Variants in MAPRE3 observed in about 807,000 individuals in gnomAD.
MAPRE3 encodes the protein microtubule-associated protein RP/EB family member 3.
Under a neutral mutation model 30.5 loss-of-function variants are expected in MAPRE3, and 2 were observed. The ratio of observed to expected loss-of-function variants is 0.07; its 90% CI spans 0.03 to 0.21. The LOEUF (loss-of-function observed/expected upper bound fraction) is 0.21. Among genes scored for constraint, MAPRE3 ranks in the 10% least tolerant of loss-of-function variants. The pLI is 1.00. For synonymous variants in MAPRE3, 110 were observed against 127.7 expected (o/e 0.86, Z 0.93); for missense variants, 204 against 351.8 (o/e 0.58, Z 3.36).
At chr2:26,971,565 C>G (rs1665916263) in intron 1 of MAPRE3, among the ~76,000 whole-genome samples, 1 of 151,116 alleles carries the variant, frequency 6.6e-6, no homozygotes, top group African/African-American at 2.4e-5. Flanking sequence ...CTCCAAGTTC[C>G]TGCGCTTCCG....
intron 1 of MAPRE3, among the ~76,000 whole-genome samples, chr2:26,980,091 G>GA (rs1239394167): frequency 3.9e-5 from 6 of 152,072 alleles, no homozygotes; most frequent in Non-Finnish European, 7.4e-5. Context: ...CCATAGTTAG[G>GA]AAAAAAGGAA....
At chr2:27,011,558 A>C (rs1326194129) in intron 1 of MAPRE3, among the ~76,000 whole-genome samples, 1 of 152,110 alleles carries the variant, frequency 6.6e-6, no homozygotes, top group Non-Finnish European at 1.5e-5. Context: ...GATTAAGGCA[A>C]TGCTAGGCCG....
intron 1 of MAPRE3, among the ~76,000 whole-genome samples, chr2:27,001,220 A>G (rs999536248): frequency 1.3e-5 from 2 of 152,190 alleles, no homozygotes; most frequent in African/African-American, 4.8e-5. Flanking sequence ...CCAAACCTAG[A>G]TGGTATTGCC....
At chr2:27,012,953 C>G (rs903258738) in intron 1 of MAPRE3, 1 of 152,666 alleles carries the variant, frequency 6.6e-6, no homozygotes, top group Non-Finnish European at 1.5e-5. Context: ...AGGATGCAGA[C>G]ATTTCAGAGA....
intron 3 of MAPRE3, 58 bp downstream of exon 3, chr2:27,023,535 G>T: frequency 6.2e-7 from 1 of 1,606,136 alleles, no homozygotes. Flanking sequence ...GGAAGAAGAG[G>T]ACCCACCAGC....
rs1486847808 is a variant in MAPRE3 at position 27,026,452 on chromosome 2, T to G, written c.*104T>G. 2.0e-6 allele frequency: 2 copies of G among 1,025,124 alleles called. No homozygotes were observed. Among genetic ancestry groups the G allele is most frequent in the Non-Finnish European group, 2.9e-6 (2 of 689,502 alleles). The allele number at this position is 1,025,124 out of a possible 1,614,324, so 63.5% of individuals were successfully genotyped here. On this transcript the variant is annotated 3_prime_UTR_variant, in exon 7 of 7. Transcript: ENST00000233121. ...CTAACACGGTCGGCCGGGTGCTTTG[T>G]GTCAGTGCTGCAGCACTGGGGAGCC...
chr2:27,019,085 G>A (rs1213510357), intron 1 of MAPRE3, among the ~76,000 whole-genome samples: 1 of 151,768 alleles, frequency 6.6e-6, no homozygotes, highest in Non-Finnish European at 1.5e-5. Context: ...GTAGAGACAG[G>A]GTTTTGCCAT....
At chr2:26,981,631 C>G (rs1429393036) in intron 1 of MAPRE3, among the ~76,000 whole-genome samples, 1 of 152,118 alleles carries the variant, frequency 6.6e-6, no homozygotes, top group African/African-American at 2.4e-5. Context: ...CTGTGCCTTC[C>G]GGGTGTGGCT....
At chr2:27,008,160 G>A (rs1037766936) in intron 1 of MAPRE3, among the ~76,000 whole-genome samples, 2 of 152,232 alleles carry the variant, frequency 1.3e-5, no homozygotes, top group Non-Finnish European at 2.9e-5. Flanking sequence ...CTGTTCTAAA[G>A]TGCCTCTCAA....
intron 1 of MAPRE3, among the ~76,000 whole-genome samples, chr2:27,006,776 A>G (rs1558381335): frequency 6.6e-6 from 1 of 152,228 alleles, no homozygotes; most frequent in African/African-American, 2.4e-5. Context: ...ATGCAGGAGA[A>G]ACCCCAATGA....
At chr2:26,989,610 AC>A (rs1355213199) in intron 1 of MAPRE3, among the ~76,000 whole-genome samples, 8 of 152,184 alleles carry the variant, frequency 5.3e-5, no homozygotes, top group Non-Finnish European at 8.8e-5. Flanking sequence ...GTGATATAAA[AC>A]TACAAAGTGA....
chr2:27,025,645 G>A lies in MAPRE3; in HGVS notation c.532G>A (p.Val178Met), dbSNP rs943139821. 1 of 1,610,102 alleles carries A rather than the reference G, an allele frequency of 6.2e-7. No individual in the cohort carries two copies. The highest frequency in any genetic ancestry group is 2.2e-5 in the East Asian group (1 of 44,866). ...NMQTSGRLSNVAPPCILRKNP... is the reference protein window; with the variant it reads ...NMQTSGRLSNMAPPCILRKNP... The stretch of plus-strand genomic sequence containing the variant: ...GCAGACCTCTGGCCGGCTGAGCAAT[G>A]TGGCCCCCCCCTGCATTCTCCGGAA... The change falls in exon 5 of 7, where the codon GTG becomes ATG. Residue 178 changes from valine (V) to methionine (M), a missense_variant. Val to Met is a conservative substitution (Grantham distance 21, BLOSUM62 1). Coordinates refer to ENST00000233121, the MANE Select transcript of MAPRE3 (RefSeq NM_012326.4).
At chr2:26,978,791 GTCACT>G (rs1261283390) in intron 1 of MAPRE3, among the ~76,000 whole-genome samples, 3 of 152,178 alleles carry the variant, frequency 2.0e-5, no homozygotes, top group African/African-American at 7.2e-5. Context: ...TGTATTGTTA[GTCACT>G]ATGGGATATA....
At chr2:26,978,127 G>C (rs2148196615) in intron 1 of MAPRE3, among the ~76,000 whole-genome samples, 1 of 152,316 alleles carries the variant, frequency 6.6e-6, no homozygotes, top group South Asian at 2.1e-4. Context: ...CCACCACTCG[G>C]AGAGAGTGAT....
In MAPRE3 at chr2:27,023,463, A is replaced by G; in HGVS notation, c.253A>G (p.Met85Val). The change falls in exon 3 of 7, where the codon ATG becomes GTG. Residue 85 changes from methionine to valine, a missense_variant. Met to Val is a conservative substitution (Grantham distance 21). Transcript: ENST00000233121. ...FKVLQAAFKK[M>V]GVDKIIPVEK... Reference sequence around the variant, plus strand: ...GGTGCTGCAAGCAGCTTTCAAGAAGATGGGTGTTGACAAAGTAGGTGCCTG... The same window carrying G: ...GGTGCTGCAAGCAGCTTTCAAGAAGGTGGGTGTTGACAAAGTAGGTGCCTG... 1 of 1,614,040 alleles carries G rather than the reference A, an allele frequency of 6.2e-7. No individual in the cohort carries two copies. Among genetic ancestry groups the G allele is most frequent in the Non-Finnish European group, 8.5e-7 (1 of 1,179,984 alleles).
intron 1 of MAPRE3, among the ~76,000 whole-genome samples, chr2:26,982,760 A>T (rs1037316291): frequency 6.6e-6 from 1 of 152,240 alleles, no homozygotes; most frequent in South Asian, 2.1e-4. Flanking sequence ...GGCAGGGACC[A>T]TGTGAGACCT....
At chr2:26,976,459 G>C (rs531446247) in intron 1 of MAPRE3, among the ~76,000 whole-genome samples, 1 of 152,166 alleles carries the variant, frequency 6.6e-6, no homozygotes, top group Non-Finnish European at 1.5e-5. Context: ...TCGTGTGACA[G>C]TTAGCCAAGT....
At chr2:27,010,054 G>A (rs1281411260) in intron 1 of MAPRE3, among the ~76,000 whole-genome samples, 1 of 152,236 alleles carries the variant, frequency 6.6e-6, no homozygotes, top group Non-Finnish European at 1.5e-5. Flanking sequence ...CACAAATGGT[G>A]ATGAGTGACT....
At chr2:27,005,740 T>C (rs1485398098) in intron 1 of MAPRE3, among the ~76,000 whole-genome samples, 1 of 152,208 alleles carries the variant, frequency 6.6e-6, no homozygotes, top group Non-Finnish European at 1.5e-5. Flanking sequence ...AGTCAAAGTA[T>C]TATTATAATG....
Sources: gnomAD v4.1 joint callset for allele counts (sites outside exome capture counted in the v4.1 genomes callset) on GRCh38, gnomAD v4.1.1 for gene constraint, MANE v1.5 for transcripts, NCBI Gene and HGNC (gene_info 2026-07-23, HGNC 2026-07-21) for gene names.